Variants in AGL observed in about 807,000 individuals in gnomAD.
AGL encodes amylo-alpha-1,6-glucosidase and 4-alpha-glucanotransferase.
A neutral mutation model predicts 199.3 loss-of-function variants in AGL; 128 were observed. The ratio of observed to expected loss-of-function variants is 0.64; its 90% CI spans 0.56 to 0.74. The LOEUF is 0.74. Ranked by LOEUF, AGL falls within the 30% of genes least tolerant of loss-of-function variation. The probability of loss-of-function intolerance (pLI) is 0.00; values close to 1 mark genes in which losing one functional copy is unlikely to be tolerated. For missense variants in AGL, 1,809 were observed against 1,820.8 expected (o/e 0.99, Z 0.12); for synonymous variants, 584 against 594.7 (o/e 0.98, Z 0.26).
intron 10 of AGL, 32 bp downstream of exon 10, chr1:99,875,487 G>A: frequency 6.4e-7 from 1 of 1,560,386 alleles, no homozygotes; most frequent in Non-Finnish European, 8.8e-7. Flanking sequence ...TCTTATTGAT[G>A]GTTGAAAACT....
rs1553185302 is a variant in AGL, at chr1:99,874,727, T to TA, written c.1000dup (p.Thr334AsnfsTer7). 2 of 1,613,594 alleles carry TA rather than the reference T, an allele frequency of 1.2e-6. No homozygotes were observed. Among genetic ancestry groups the TA allele is most frequent in the Non-Finnish European group, 1.7e-6 (2 of 1,179,576 alleles). On this transcript the variant is annotated frameshift_variant, in exon 8 of 34. Transcript: ENST00000361915. LOFTEE classifies it high-confidence loss of function. ...CCAAGTCTGATCCAAACCAACACCT[T>TA]ACGATTATTCAAGATCCTGAATACA...
In AGL at chr1:99,868,484, C is replaced by T. The variant is rs553534165; in HGVS notation, c.665-1916C>T. Reference sequence around the variant, plus strand: ...AAAATTAGCCGGGCATGGTGGTGGGCGCCTGTAATCCCAGCTACTCCAGAG... The same window carrying T: ...AAAATTAGCCGGGCATGGTGGTGGGTGCCTGTAATCCCAGCTACTCCAGAG... On this transcript the variant is annotated intron_variant, in intron 5 of 33. Transcript: ENST00000361915. 5.9e-5 allele frequency among the ~76,000 whole-genome samples: 9 copies of T among 151,996 alleles called. No homozygotes were observed. In the South Asian group the frequency reaches 6.2e-4, roughly 11 times the overall value.
intron 5 of AGL, among the ~76,000 whole-genome samples, chr1:99,869,537 G>T (rs1309774838): frequency 6.6e-6 from 1 of 152,174 alleles, no homozygotes; most frequent in Non-Finnish European, 1.5e-5. Flanking sequence ...TATGACTTGG[G>T]CTGAGTTACT....
chr1:99,861,584 A>T lies in AGL; in HGVS notation c.164A>T (p.Glu55Val). The T allele has an allele frequency of 6.2e-7, 1 of 1,614,044 alleles. No homozygotes were observed. ...TVYTNYPFPG[E>V]TFNREKFRSL... ...TATACAAATTACCCATTTCCTGGAG[A>T]AACATTTAATAGAGAAAAATTCCGT... is the stretch of plus-strand genomic sequence containing the variant. Residue 55 changes from glutamate (E) to valine (V), a missense_variant, in exon 3 of 34, where the codon GAA (glutamate) becomes GTA (valine). Glu to Val is a moderately radical substitution (Grantham distance 121). Coordinates refer to ENST00000361915, the MANE Select transcript of AGL (RefSeq NM_000642.3).
rs79691966 is a variant in AGL at position 99,892,046 on chromosome 1, T to A, written c.3083+307T>A. Among the ~76,000 whole-genome samples the A allele has an allele frequency of 0.013, 2,021 of 152,238 alleles. 50 individuals carry two copies. The highest frequency in any genetic ancestry group is 0.046 in the African/African-American group (1,905 of 41,558). Reference sequence around the variant, plus strand: ...AAGTTTCTGAAATCTACATGTACAATTTTTCTAATTTTTCATCAATTAGGA... The same window carrying A: ...AAGTTTCTGAAATCTACATGTACAAATTTTCTAATTTTTCATCAATTAGGA... On this transcript the variant is annotated intron_variant, in intron 23 of 33. Coordinates refer to ENST00000361915, the MANE Select transcript of AGL (RefSeq NM_000642.3).
At chr1:99,904,432 T>C (rs560784022) in intron 27 of AGL, among the ~76,000 whole-genome samples, 14 of 152,326 alleles carry the variant, frequency 9.2e-5, no homozygotes, top group South Asian at 4.1e-4. Flanking sequence ...AGTCAGGAGA[T>C]TGACATTAGT....
chr1:99,902,569 T>C, intron 26 of AGL, 114 bp from the exon 27 acceptor site: 1 of 853,350 alleles, frequency 1.2e-6, no homozygotes, highest in Non-Finnish European at 2.0e-6. Flanking sequence ...CCAATTCCTA[T>C]TTCTCACTTC....
chr1:99,903,984 G>A (rs1049060268), intron 27 of AGL, among the ~76,000 whole-genome samples: 10 of 152,128 alleles, frequency 6.6e-5, no homozygotes, highest in Non-Finnish European at 1.3e-4. Context: ...ATTTGCTTGA[G>A]TTCTTTGTAG....
At chr1:99,856,310 C>CCCTCCCTCCCTA (rs1649420261) in intron 2 of AGL, among the ~76,000 whole-genome samples, 1 of 15,052 alleles carries the variant, frequency 6.6e-5, no homozygotes, top group Non-Finnish European at 1.2e-4. Context: ...CTTCCTTCCT[C>CCCTCCCTCCCTA]CCTCCCTCCC....
Position 99,876,516 on chromosome 1 carries a change from C to T in AGL, c.1342C>T (p.Leu448=), listed in dbSNP as rs1247693647. Residue 448 remains leucine, a synonymous_variant, in exon 11 of 34, where the codon CTG becomes TTG. Transcript: ENST00000361915. ...DFSMEESMIH[L]PNKACFLMAH... is the part of the protein sequence containing the mutation. The stretch of plus-strand genomic sequence containing the variant: ...CTCCATGGAAGAATCTATGATTCAT[C>T]TGCCAAATAAAGCTTGTTTTCTGAT... 6.2e-7 allele frequency: 1 copy of T among 1,613,036 alleles called. No homozygotes were observed. The highest frequency in any genetic ancestry group is 2.2e-5 in the East Asian group (1 of 44,846).
At chr1:99,900,967 G>A (rs763726642) in intron 26 of AGL, 106 bp downstream of exon 26, 53 of 1,068,726 alleles carry the variant, frequency 5.0e-5, no homozygotes, top group Middle Eastern at 2.8e-4. Context: ...CAAATCTTAC[G>A]AATTATTCAA....
At chr1:99,864,695 C>A in intron 5 of AGL, 106 bp downstream of exon 5, 1 of 1,005,386 alleles carries the variant, frequency 9.9e-7, no homozygotes, top group Non-Finnish European at 1.5e-6. Context: ...AGGAAAGGGG[C>A]TAACATAAAT....
intron 29 of AGL, among the ~76,000 whole-genome samples, chr1:99,912,986 G>A: frequency 6.6e-6 from 1 of 152,108 alleles, no homozygotes; most frequent in East Asian, 1.9e-4. Flanking sequence ...ACTTTGGGGG[G>A]CCAAGGCAGG....
intron 4 of AGL, among the ~76,000 whole-genome samples, chr1:99,863,008 C>T (rs1275677088): frequency 6.6e-6 from 1 of 151,708 alleles, no homozygotes; most frequent in East Asian, 1.9e-4. Context: ...GGTGCGATCT[C>T]AGCTCACTAC....
chr1:99,911,198 C>G (rs1416215703), intron 28 of AGL, among the ~76,000 whole-genome samples: 1 of 152,144 alleles, frequency 6.6e-6, no homozygotes, highest in Non-Finnish European at 1.5e-5. Context: ...AGAAAACAAC[C>G]AGTTGTTCTG....
chr1:99,892,738 C>A, intron 24 of AGL, 131 bp downstream of exon 24: 1 of 856,068 alleles, frequency 1.2e-6, no homozygotes, highest in South Asian at 1.6e-5. Context: ...TAGTACATTT[C>A]ATAGATATTC....
At chr1:99,897,248 A>C (rs1217617668) in intron 25 of AGL, among the ~76,000 whole-genome samples, 2 of 152,214 alleles carry the variant, frequency 1.3e-5, no homozygotes, top group African/African-American at 2.4e-5. Context: ...AGAGCTTGTT[A>C]GAAATGCAGA....
chr1:99,887,209 G>A (rs548053019), intron 20 of AGL, among the ~76,000 whole-genome samples: 2 of 152,320 alleles, frequency 1.3e-5, no homozygotes, highest in East Asian at 1.9e-4. Flanking sequence ...TAGCAGTCAT[G>A]TAAAATGAAA....
At chr1:99,880,187 T>G (rs1334883553) in intron 13 of AGL, 141 bp downstream of exon 13, 20 of 1,306,474 alleles carry the variant, frequency 1.5e-5, no homozygotes, top group Non-Finnish European at 2.1e-5. Flanking sequence ...TGACATATTC[T>G]AATATAACTC....
Sources: gnomAD v4.1 joint callset for allele counts (sites outside exome capture counted in the v4.1 genomes callset) on GRCh38, gnomAD v4.1.1 for gene constraint, MANE v1.5 for transcripts, NCBI Gene and HGNC (gene_info 2026-07-23, HGNC 2026-07-21) for gene names.